Variants in IGF2BP3 observed in about 807,000 individuals in gnomAD.
The protein encoded by IGF2BP3 is insulin-like growth factor 2 mRNA-binding protein 3.
In IGF2BP3, 9 loss-of-function variants were observed where a neutral mutation model predicts 73.8. The ratio of observed to expected loss-of-function variants is 0.12; its 90% CI spans 0.07 to 0.21. The LOEUF (loss-of-function observed/expected upper bound fraction) is 0.21, where lower values mean the gene tolerates loss of function less well. Ranked by LOEUF, IGF2BP3 falls within the 10% of genes least tolerant of loss-of-function variation. The pLI is 1.00. For synonymous variants in IGF2BP3, 258 were observed against 256.7 expected (o/e 1.01, Z -0.05); for missense variants, 542 against 714.0 (o/e 0.76, Z 2.75).
chr7:23,378,342 G>T (rs1290244751), intron 3 of IGF2BP3, among the ~76,000 whole-genome samples: 5 of 141,330 alleles, frequency 3.5e-5, no homozygotes, highest in Admixed American at 2.8e-4. Context: ...AATTACACTG[G>T]CCTTTAGATA....
intron 3 of IGF2BP3, among the ~76,000 whole-genome samples, chr7:23,410,883 CA>C (rs973066629): frequency 1.2e-4 from 19 of 152,168 alleles, no homozygotes; most frequent in Admixed American, 7.2e-4. Context: ...TGCATGATCC[CA>C]GACAAGCTAC....
intron 10 of IGF2BP3, among the ~76,000 whole-genome samples, chr7:23,338,143 A>G (rs1318494772): frequency 1.3e-5 from 2 of 152,160 alleles, no homozygotes; most frequent in Non-Finnish European, 2.9e-5. Context: ...TTTTGGCATG[A>G]TATTTCCTAC....
At chr7:23,391,519 C>G (rs1371293382) in intron 3 of IGF2BP3, among the ~76,000 whole-genome samples, 1 of 152,166 alleles carries the variant, frequency 6.6e-6, no homozygotes, top group Non-Finnish European at 1.5e-5. Context: ...GGTTTAGACA[C>G]TCAGACTTTC....
intron 2 of IGF2BP3, among the ~76,000 whole-genome samples, chr7:23,435,993 G>C (rs1220684538): frequency 6.7e-6 from 1 of 149,474 alleles, no homozygotes; most frequent in Non-Finnish European, 1.5e-5. Flanking sequence ...CTGACCGCAA[G>C]TGATCCACCT....
intron 10 of IGF2BP3, among the ~76,000 whole-genome samples, chr7:23,328,848 A>C (rs1266635322): frequency 6.6e-6 from 1 of 152,208 alleles, no homozygotes; most frequent in African/African-American, 2.4e-5. Context: ...AGCCCAGTGA[A>C]AAGACAGACA....
chr7:23,312,244 C>G lies in IGF2BP3; in HGVS notation c.*118G>C, dbSNP rs879133499. The G allele has an allele frequency of 4.0e-6, 3 of 742,534 alleles. No individual in the cohort carries two copies. The highest frequency in any genetic ancestry group is 3.5e-5 in the African/African-American group (2 of 56,776). The allele number at this position is 742,534 out of a possible 1,614,324, so 46.0% of individuals were successfully genotyped here. Reference sequence around the variant, plus strand: ...AAAGTTGCCTGGTCCTCAGAAACAACTGGCTAGGTAAAAACTTGTGCATGT... The same window carrying G: ...AAAGTTGCCTGGTCCTCAGAAACAAGTGGCTAGGTAAAAACTTGTGCATGT... On this transcript the variant is annotated 3_prime_UTR_variant, in exon 15 of 15. Coordinates refer to ENST00000258729, the MANE Select transcript of IGF2BP3 (RefSeq NM_006547.3).
intron 3 of IGF2BP3, among the ~76,000 whole-genome samples, chr7:23,377,876 T>C (rs1785777150): frequency 6.6e-6 from 1 of 152,226 alleles, no homozygotes; most frequent in Non-Finnish European, 1.5e-5. Flanking sequence ...ATTCCTTTTA[T>C]ATTAAATGTC....
intron 3 of IGF2BP3, among the ~76,000 whole-genome samples, chr7:23,395,047 C>T (rs1786406190): frequency 6.6e-6 from 1 of 152,106 alleles, no homozygotes; most frequent in African/African-American, 2.4e-5. Flanking sequence ...AGCATTAATC[C>T]ACCCTAATGA....
intron 3 of IGF2BP3, among the ~76,000 whole-genome samples, chr7:23,408,098 A>G (rs1210426491): frequency 1.3e-5 from 2 of 152,168 alleles, no homozygotes; most frequent in Non-Finnish European, 2.9e-5. Context: ...ACAGAAGGCA[A>G]TGTCTTCAAC....
chr7:23,422,488 A>G (rs911522893), intron 2 of IGF2BP3, among the ~76,000 whole-genome samples: 2 of 152,082 alleles, frequency 1.3e-5, no homozygotes, highest in African/African-American at 2.4e-5. Context: ...CCAGGAGTTT[A>G]AAGTTTCAAT....
intron 2 of IGF2BP3, among the ~76,000 whole-genome samples, chr7:23,442,735 T>C (rs1252604028): frequency 1.3e-5 from 2 of 152,104 alleles, no homozygotes; most frequent in Non-Finnish European, 1.5e-5. Flanking sequence ...AAATAACATA[T>C]TATAATCAGA....
At chr7:23,345,397 C>T (rs1231002630) in intron 8 of IGF2BP3, among the ~76,000 whole-genome samples, 2 of 152,192 alleles carry the variant, frequency 1.3e-5, no homozygotes, top group Non-Finnish European at 2.9e-5. Context: ...AAAGACATTG[C>T]AGTTTCCATC....
At chr7:23,420,919 T>G (rs1207803789) in intron 2 of IGF2BP3, among the ~76,000 whole-genome samples, 2 of 152,234 alleles carry the variant, frequency 1.3e-5, no homozygotes, top group African/African-American at 2.4e-5. Flanking sequence ...AATGCTAGTT[T>G]GGGATTTGTT....
At chr7:23,321,057 G>C (rs185581888) in intron 10 of IGF2BP3, among the ~76,000 whole-genome samples, 1 of 152,070 alleles carries the variant, frequency 6.6e-6, no homozygotes, top group Non-Finnish European at 1.5e-5. Context: ...ATATTTTGTC[G>C]GGAGGGAGGA....
chr7:23,364,651 ACG>A (rs1368987962), intron 3 of IGF2BP3, among the ~76,000 whole-genome samples: 2 of 151,948 alleles, frequency 1.3e-5, no homozygotes, highest in Middle Eastern at 6.8e-3. Flanking sequence ...TTTTTTCAAT[ACG>A]AAAAATGTTT....
intron 2 of IGF2BP3, among the ~76,000 whole-genome samples, chr7:23,455,226 A>T (rs1788288948): frequency 6.6e-6 from 1 of 152,204 alleles, no homozygotes; most frequent in Admixed American, 6.5e-5. Context: ...TCCATCACGC[A>T]CGCAGGCTGC....
intron 10 of IGF2BP3, among the ~76,000 whole-genome samples, chr7:23,326,569 A>C (rs1461308557): frequency 1.3e-5 from 2 of 152,012 alleles, no homozygotes; most frequent in African/African-American, 4.8e-5. Context: ...ATCACTGGGT[A>C]TATACCCAAA....
In IGF2BP3 at chr7:23,445,117, T is replaced by TA. The variant is rs552089639; in HGVS notation, c.236+23364dup. On this transcript the variant is annotated intron_variant, in intron 2 of 14. Coordinates refer to ENST00000258729, the MANE Select transcript of IGF2BP3 (RefSeq NM_006547.3). ...GTATGGTGCTAAGTCGTATTTTTTC[T>TA]AAAAAAGCATACATTCACAGATGCT... Among the ~76,000 whole-genome samples, 44 of 152,286 alleles carry TA rather than the reference T, an allele frequency of 2.9e-4. 1 individual carries two copies. The East Asian group carries it at 8.1e-3, about 28-fold the overall frequency.
chr7:23,345,843 G>T, intron 8 of IGF2BP3, 97 bp downstream of exon 8: 1 of 1,381,690 alleles, frequency 7.2e-7, no homozygotes, highest in Non-Finnish European at 9.8e-7. Flanking sequence ...GCACAGGCTA[G>T]CTGAAGCAGC....
Sources: gnomAD v4.1 joint callset for allele counts (sites outside exome capture counted in the v4.1 genomes callset) on GRCh38, gnomAD v4.1.1 for gene constraint, MANE v1.5 for transcripts, NCBI Gene and HGNC (gene_info 2026-07-23, HGNC 2026-07-21) for gene names.